Variants in TWSG1 observed in about 807,000 individuals in gnomAD.
TWSG1 encodes twisted gastrulation BMP signaling modulator 1.
In TWSG1, 15 loss-of-function variants were observed where a neutral mutation model predicts 23.0. That is an observed-to-expected ratio of 0.65 (90% CI 0.44 to 1.00). TWSG1 has a LOEUF of 1.00. Among genes scored for constraint, TWSG1 ranks in the 50% least tolerant of loss-of-function variants. The probability of loss-of-function intolerance (pLI) is 0.00; values close to 1 mark genes in which losing one functional copy is unlikely to be tolerated. For synonymous variants in TWSG1, 86 were observed against 92.8 expected (o/e 0.93, Z 0.42); for missense variants, 242 against 278.7 (o/e 0.87, Z 0.94).
intron 3 of TWSG1, among the ~76,000 whole-genome samples, chr18:9,373,566 T>C (rs2040615871): frequency 6.6e-6 from 1 of 152,068 alleles, no homozygotes; most frequent in South Asian, 2.1e-4. Flanking sequence ...CAAAACTCTG[T>C]GAGGCAAAAA....
At chr18:9,339,080 C>T (rs2040434650) in intron 2 of TWSG1, among the ~76,000 whole-genome samples, 1 of 151,752 alleles carries the variant, frequency 6.6e-6, no homozygotes, top group Non-Finnish European at 1.5e-5. Context: ...TCATGTACAC[C>T]TGTAGTCTCA....
chr18:9,344,529 G>GTTTT lies in TWSG1; in HGVS notation c.123+7178_123+7179insTTTT, dbSNP rs1368737266. On this transcript the variant is annotated intron_variant, in intron 2 of 4. Transcript: ENST00000262120. ...TGTGTGTGTGTGTGTGTGTATGTAT[G>GTTTT]TATTTTTTTTTTTTTTTGAGAGAGG... Among the ~76,000 whole-genome samples, 21 of 30,426 alleles carry GTTTT rather than the reference G, an allele frequency of 6.9e-4. 1 individual carries two copies. The South Asian group carries it at 9.8e-3, about 14-fold the overall frequency. The allele number at this position is 30,426 out of a possible 152,430, so 20.0% of individuals were successfully genotyped here.
chr18:9,401,018 ATAG>A lies in TWSG1; in HGVS notation c.*1496_*1498del, dbSNP rs745975742. The A allele has an allele frequency of 6.6e-6, 1 of 151,108 alleles. No homozygotes were observed. Among genetic ancestry groups the A allele is most frequent in the Admixed American group, 6.5e-5 (1 of 15,276 alleles). 9.4% of individuals were successfully genotyped at this position (151,108 alleles called of 1,614,324 possible). ...ACATTTTGTATTATTCATGATCTGA[ATAG>A]TAGTTAGTTAAAAGATCATTTGTAA... is the stretch of plus-strand genomic sequence containing the variant. On this transcript the variant is annotated 3_prime_UTR_variant, in exon 5 of 5. Transcript: ENST00000262120.
chr18:9,394,908 A>G (rs1001513931), intron 3 of TWSG1, among the ~76,000 whole-genome samples: 2 of 152,200 alleles, frequency 1.3e-5, no homozygotes, highest in African/African-American at 4.8e-5. Context: ...TCTCCTAAAA[A>G]TTGGCATACA....
At chr18:9,343,210 T>TTATATATATA (rs6146209) in intron 2 of TWSG1, among the ~76,000 whole-genome samples, 26 of 132,080 alleles carry the variant, frequency 2.0e-4, no homozygotes, top group Non-Finnish European at 2.9e-4. Flanking sequence ...TTGTTTTTTG[T>TTATATATATA]TATATATATA....
At chr18:9,397,964 A>T (rs886524665) in intron 4 of TWSG1, among the ~76,000 whole-genome samples, 2 of 142,150 alleles carry the variant, frequency 1.4e-5, no homozygotes, top group African/African-American at 5.2e-5. Flanking sequence ...AGATCGCGCC[A>T]TTGCACTCCA....
At chr18:9,350,185 G>A (rs2040496013) in intron 2 of TWSG1, among the ~76,000 whole-genome samples, 1 of 151,336 alleles carries the variant, frequency 6.6e-6, no homozygotes, top group Admixed American at 6.6e-5. Flanking sequence ...GTCCTGTTTT[G>A]CTTCAGTTAA....
intron 3 of TWSG1, among the ~76,000 whole-genome samples, chr18:9,372,342 AT>A (rs748881500): frequency 7.0e-6 from 1 of 142,852 alleles, no homozygotes; most frequent in Admixed American, 7.7e-5. Context: ...AACAATAACA[AT>A]TTATAGCAAT....
At chr18:9,378,243 T>C (rs570593026) in intron 3 of TWSG1, among the ~76,000 whole-genome samples, 1 of 152,238 alleles carries the variant, frequency 6.6e-6, no homozygotes, top group East Asian at 1.9e-4. Context: ...CTATTCAATA[T>C]AGTATTGGAA....
intron 3 of TWSG1, among the ~76,000 whole-genome samples, chr18:9,377,630 C>G (rs552492171): frequency 6.6e-6 from 1 of 152,114 alleles, no homozygotes; most frequent in Non-Finnish European, 1.5e-5. Context: ...AGATCACAGA[C>G]CTAAATAAAT....
At chr18:9,383,366 G>T (rs1277541741) in intron 3 of TWSG1, among the ~76,000 whole-genome samples, 1 of 151,806 alleles carries the variant, frequency 6.6e-6, no homozygotes, top group Non-Finnish European at 1.5e-5. Context: ...GCTAATTTTT[G>T]TATTTTTAGT....
intron 2 of TWSG1, among the ~76,000 whole-genome samples, chr18:9,347,069 C>G (rs2040480677): frequency 6.6e-6 from 1 of 152,180 alleles, no homozygotes; most frequent in Non-Finnish European, 1.5e-5. Context: ...TTGCAATTCT[C>G]TAATGACATA....
At chr18:9,397,484 T>TTA (rs1280135479) in intron 4 of TWSG1, among the ~76,000 whole-genome samples, 1 of 152,252 alleles carries the variant, frequency 6.6e-6, no homozygotes, top group East Asian at 1.9e-4. Context: ...GAGCATTTAT[T>TTA]AGTGAAGATA....
intron 3 of TWSG1, among the ~76,000 whole-genome samples, chr18:9,375,888 A>G (rs1321979180): frequency 3.3e-5 from 5 of 152,152 alleles, no homozygotes; most frequent in East Asian, 3.8e-4. Flanking sequence ...CATACTGTCA[A>G]GATGTCAGTT....
chr18:9,356,539 A>G (rs568605635), intron 2 of TWSG1, among the ~76,000 whole-genome samples: 340 of 152,326 alleles, frequency 2.2e-3, no homozygotes, highest in African/African-American at 7.7e-3. Context: ...TCATTTAGCA[A>G]GCTACCATTT....
chr18:9,339,954 T>G (rs923423679), intron 2 of TWSG1, among the ~76,000 whole-genome samples: 2 of 152,164 alleles, frequency 1.3e-5, no homozygotes, highest in Non-Finnish European at 2.9e-5. Flanking sequence ...AGTCACAAAT[T>G]CATGGATGCT....
intron 2 of TWSG1, among the ~76,000 whole-genome samples, chr18:9,350,268 A>ATAT (rs2040496340): frequency 2.9e-4 from 1 of 3,404 alleles, no homozygotes; most frequent in African/African-American, 3.3e-4. Flanking sequence ...AAGAAAGAAT[A>ATAT]CATCGTTTCC....
At chr18:9,393,627 A>G (rs2040721913) in intron 3 of TWSG1, among the ~76,000 whole-genome samples, 1 of 152,112 alleles carries the variant, frequency 6.6e-6, no homozygotes, top group Non-Finnish European at 1.5e-5. Flanking sequence ...GCACAGTCAT[A>G]GTTCACTGCA....
chr18:9,383,054 G>T (rs2040665397), intron 3 of TWSG1, among the ~76,000 whole-genome samples: 1 of 152,036 alleles, frequency 6.6e-6, no homozygotes, highest in African/African-American at 2.4e-5. Context: ...AAGGAGAAGG[G>T]TAGAGAATGA....
Sources: allele counts gnomAD v4.1 joint callset (sites outside exome capture counted in the v4.1 genomes callset), GRCh38; gene constraint gnomAD v4.1.1; transcripts MANE v1.5; gene names NCBI Gene and HGNC (gene_info 2026-07-23, HGNC 2026-07-21).